The following ITGA9 variants were observed in gnomAD, a reference collection of about 807,000 sequenced individuals.
ITGA9 encodes the protein integrin subunit alpha 9.
ITGA9 carries 56 observed loss-of-function variants against 127.8 expected under a neutral mutation model. The observed-to-expected ratio is 0.44, with a 90% CI of 0.35 to 0.55. ITGA9 has a LOEUF of 0.55. Among genes scored for constraint, ITGA9 ranks in the 20% least tolerant of loss-of-function variants. The pLI, the probability that ITGA9 is intolerant of heterozygous loss-of-function variation, is 0.00. For synonymous variants in ITGA9, 508 were observed against 514.5 expected (o/e 0.99, Z 0.17); for missense variants, 1,196 against 1,347.1 (o/e 0.89, Z 1.76).
At chr3:37,588,728 C>G (rs1335603973) in intron 15 of ITGA9, among the ~76,000 whole-genome samples, 2 of 152,166 alleles carry the variant, frequency 1.3e-5, no homozygotes, top group Non-Finnish European at 2.9e-5. Context: ...CCATTTCTGC[C>G]AAGTCAGAGG....
intron 16 of ITGA9, among the ~76,000 whole-genome samples, chr3:37,641,088 C>T (rs1700328632): frequency 1.3e-5 from 2 of 152,148 alleles, no homozygotes; most frequent in South Asian, 4.1e-4. Context: ...GGGTGGGCTC[C>T]CCGGTGGGAC....
At chr3:37,596,710 A>G (rs916360061) in intron 15 of ITGA9, among the ~76,000 whole-genome samples, 1 of 151,976 alleles carries the variant, frequency 6.6e-6, no homozygotes, top group Non-Finnish European at 1.5e-5. Context: ...CCCAAAACAC[A>G]AGGGGTCTGG....
At chr3:37,696,234 AAGC>A (rs1700883540) in intron 18 of ITGA9, among the ~76,000 whole-genome samples, 1 of 152,114 alleles carries the variant, frequency 6.6e-6, no homozygotes, top group African/African-American at 2.4e-5. Flanking sequence ...GGCCATTGGG[AAGC>A]ACCAGCAGAG....
At chr3:37,639,024 C>T (rs1700307300) in intron 16 of ITGA9, among the ~76,000 whole-genome samples, 1 of 152,112 alleles carries the variant, frequency 6.6e-6, no homozygotes. Context: ...GCTGCTAATG[C>T]TGAGATTGGA....
At chr3:37,566,063 A>G (rs561289530) in intron 15 of ITGA9, among the ~76,000 whole-genome samples, 3 of 152,346 alleles carry the variant, frequency 2.0e-5, no homozygotes, top group Admixed American at 6.5e-5. Flanking sequence ...CTCTATATCT[A>G]TAACTTTTAA....
Position 37,523,426 on chromosome 3 carries a change from C to T in ITGA9, c.1237-95C>T, listed in dbSNP as rs1360571037. 8 of 969,124 alleles carry T rather than the reference C, an allele frequency of 8.3e-6. No individual in the cohort carries two copies. In the African/African-American group the frequency reaches 1.3e-4, roughly 16 times the overall value. The allele number at this position is 969,124 out of a possible 1,614,324, so 60.0% of individuals were successfully genotyped here. A position where few individuals can be genotyped will look rare whatever the true frequency, so the allele number is the denominator to read the frequency against. ...TTTTTTCTTTCAACAACTTTAAGAC[C>T]AAGTGTCCTAGGGAAGCTGGAATAA... On this transcript the variant is annotated intron_variant, in intron 11 of 27. Coordinates refer to ENST00000264741, the MANE Select transcript of ITGA9 (RefSeq NM_002207.3).
At chr3:37,600,510 C>T (rs959105075) in intron 15 of ITGA9, among the ~76,000 whole-genome samples, 2 of 152,176 alleles carry the variant, frequency 1.3e-5, no homozygotes, top group African/African-American at 4.8e-5. Flanking sequence ...AAGGAATGGG[C>T]TCCACGATGC....
chr3:37,540,389 T>G (rs546619892), intron 14 of ITGA9, among the ~76,000 whole-genome samples: 1 of 152,374 alleles, frequency 6.6e-6, no homozygotes, highest in East Asian at 1.9e-4. Context: ...GTAATCTTTC[T>G]TACTTCAGGG....
chr3:37,505,903 G>A lies in ITGA9; in HGVS notation c.743-97G>A, dbSNP rs749189121. 1.8e-4 allele frequency: 161 copies of A among 881,198 alleles called. 2 individuals are homozygous for A. The highest frequency in any genetic ancestry group is 2.2e-4 in the Admixed American group (11 of 50,124). The allele number at this position is 881,198 out of a possible 1,614,324, so 54.6% of individuals were successfully genotyped here. ...CCTGGTAGTTTATGTTCCAAGAGTA[G>A]GGAGCATGCTTGAGAAACATTTTCC... On this transcript the variant is annotated intron_variant, in intron 6 of 27. Coordinates refer to ENST00000264741, the MANE Select transcript of ITGA9 (RefSeq NM_002207.3).
Position 37,629,262 on chromosome 3 carries a change from G to A in ITGA9, c.1765G>A (p.Glu589Lys), listed in dbSNP as rs1700207218. 6.2e-7 allele frequency: 1 copy of A among 1,614,056 alleles called. No homozygotes were observed. The highest frequency in any genetic ancestry group is 1.3e-5 in the African/African-American group (1 of 75,030). Residue 589 changes from glutamate (E) to lysine (K), a missense_variant, in exon 16 of 28, where the codon GAG becomes AAG. Glu to Lys is a moderately conservative substitution (Grantham distance 56). Coordinates refer to ENST00000264741, the MANE Select transcript of ITGA9 (RefSeq NM_002207.3). This position sits in a 1 kb window ranked among gnomAD's most constrained non-coding sequence, Gnocchi z 4.5. Reference protein sequence around the residue: ...YSLSEHVTGEEERELPPLTPV... With the variant: ...YSLSEHVTGEKERELPPLTPV... ...CCTCAGTGAGCATGTGACTGGAGAGGAGGAGAGGGAACTGCCGCCTCTGAC... is the reference window on the plus strand; with the variant it reads ...CCTCAGTGAGCATGTGACTGGAGAGAAGGAGAGGGAACTGCCGCCTCTGAC...
At chr3:37,466,256 G>T (rs9875252) in intron 1 of ITGA9, among the ~76,000 whole-genome samples, 5,939 of 152,062 alleles carry the variant, frequency 0.039, 353 homozygotes, top group African/African-American at 0.13. Context: ...GCTGAGGCAG[G>T]TGGATCACCT....
intron 15 of ITGA9, among the ~76,000 whole-genome samples, chr3:37,617,609 G>A (rs951123117): frequency 3.5e-4 from 54 of 152,296 alleles, no homozygotes; most frequent in African/African-American, 1.1e-3. Flanking sequence ...CCAATCAGAC[G>A]TAGATTTGGT....
intron 15 of ITGA9, among the ~76,000 whole-genome samples, chr3:37,628,188 C>T (rs1164958705): frequency 3.9e-5 from 6 of 152,148 alleles, no homozygotes; most frequent in East Asian, 1.9e-4. Flanking sequence ...CCCAGGGACT[C>T]GGCTGTTTGA....
chr3:37,599,188 T>C (rs1330832355), intron 15 of ITGA9, among the ~76,000 whole-genome samples: 1 of 152,208 alleles, frequency 6.6e-6, no homozygotes. Context: ...CTTCCTCAAA[T>C]TTAATGGCTT....
At chr3:37,771,109 C>T (rs1411303507) in intron 23 of ITGA9, among the ~76,000 whole-genome samples, 8 of 152,162 alleles carry the variant, frequency 5.3e-5, no homozygotes, top group Non-Finnish European at 7.3e-5. Flanking sequence ...GCAGCCATGT[C>T]ATGAGAAGCA....
chr3:37,772,078 T>C (rs1360746997), intron 23 of ITGA9, among the ~76,000 whole-genome samples: 1 of 152,080 alleles, frequency 6.6e-6, no homozygotes, highest in Middle Eastern at 3.2e-3. Context: ...TAATTGGGCC[T>C]CCTGTTGCCT....
chr3:37,643,647 G>A (rs1700352690), intron 16 of ITGA9, among the ~76,000 whole-genome samples: 1 of 152,168 alleles, frequency 6.6e-6, no homozygotes. Flanking sequence ...GCAAAAGTAT[G>A]TGTGGGGTGA....
chr3:37,547,499 A>AT (rs1324337633), intron 15 of ITGA9, among the ~76,000 whole-genome samples: 8 of 152,038 alleles, frequency 5.3e-5, no homozygotes, highest in African/African-American at 1.9e-4. Context: ...ATCACATTAC[A>AT]TGCTGTGGGT....
At chr3:37,645,224 G>A (rs1414832653) in intron 16 of ITGA9, among the ~76,000 whole-genome samples, 1 of 152,170 alleles carries the variant, frequency 6.6e-6, no homozygotes, top group South Asian at 2.1e-4. Context: ...CAGACAGGAT[G>A]CTTCACCATA....
Sources: allele counts gnomAD v4.1 joint callset (sites outside exome capture counted in the v4.1 genomes callset), GRCh38; gene constraint gnomAD v4.1.1; non-coding constraint Gnocchi (gnomAD v3.1); transcripts MANE v1.5; gene names NCBI Gene and HGNC (gene_info 2026-07-23, HGNC 2026-07-21).